Variants in AP4B1 observed in about 807,000 individuals in gnomAD.
The protein encoded by AP4B1 is AP-4 complex subunit beta-1.
AP4B1 carries 49 observed loss-of-function variants against 76.5 expected under a neutral mutation model. The ratio of observed to expected loss-of-function variants is 0.64; its 90% confidence interval spans 0.51 to 0.81. The LOEUF is 0.81. AP4B1 is among the 40% of genes least tolerant of loss of function. The pLI is 0.00. For missense variants in AP4B1, 911 were observed against 904.9 expected (o/e 1.01, Z -0.09); for synonymous variants, 330 against 333.3 (o/e 0.99, Z 0.11).
intron 1 of AP4B1, 39 bp downstream of exon 1, chr1:113,904,566 A>G (rs777594197): frequency 1.8e-5 from 28 of 1,592,294 alleles, no homozygotes; most frequent in Admixed American, 5.0e-5. Flanking sequence ...TGGGGATTGC[A>G]AAGGGAGCAG....
At chr1:113,901,960 C>T (rs915511513) in intron 2 of AP4B1, 75 bp from the exon 3 acceptor site, 3 of 1,582,006 alleles carry the variant, frequency 1.9e-6, no homozygotes, top group African/African-American at 2.7e-5. Flanking sequence ...GTTCACCTAA[C>T]AGATGGTTTA....
intron 6 of AP4B1, among the ~76,000 whole-genome samples, 197 bp downstream of exon 6, chr1:113,898,521 T>G (rs1463120445): frequency 6.6e-6 from 1 of 152,224 alleles, no homozygotes; most frequent in African/African-American, 2.4e-5. Flanking sequence ...AGTACAGCCT[T>G]ATAGATCATG....
In AP4B1 at chr1:113,901,288, G is replaced by T. The variant is rs1232074916; in HGVS notation, c.565C>A (p.Gln189Lys). The change falls in exon 4 of 10, where the codon CAG (glutamine) becomes AAG (lysine). Residue 189 changes from glutamine to lysine, a missense_variant. Coordinates refer to ENST00000369569, the MANE Select transcript of AP4B1 (RefSeq NM_001253852.3). Reference protein sequence around the residue: ...CLRSLEEILKQEGGVVINKPI... With the variant: ...CLRSLEEILKKEGGVVINKPI... ...TTATTGATGACAACGCCTCCTTCCT[G>T]TTTCAGAATTTCCTCTAGAGACCTC... The T allele has an allele frequency of 3.1e-6, 5 of 1,614,080 alleles. No individual in the cohort carries two copies. In the South Asian group the frequency reaches 4.4e-5, roughly 14 times the overall value.
At position 113,895,905 on chromosome 1, in the gene AP4B1, C is replaced by A. The variant is rs376974229; in HGVS notation, c.1644G>T (p.Pro548=). The A allele has an allele frequency of 6.2e-7, 1 of 1,614,180 alleles. No homozygotes were observed. Among genetic ancestry groups the A allele is most frequent in the South Asian group, 1.1e-5 (1 of 91,088 alleles). Residue 548 remains proline (P), a synonymous_variant, in exon 9 of 10, where the codon CCG becomes CCT. Transcript: ENST00000369569. ...SDPTLGLLED[P]AERPVNSWAS... Reference sequence around the variant, plus strand: ...CCCAGCTATTCACAGGTCTTTCTGCCGGATCCTCCAAAAGTCCAAGAGTAG... The same window carrying A: ...CCCAGCTATTCACAGGTCTTTCTGCAGGATCCTCCAAAAGTCCAAGAGTAG...
chr1:113,904,777 C>A lies in AP4B1; in HGVS notation c.-60G>T. ...CCACGGTAACTCGAGGGCTCCTTCTCGTCCTGATGTGGGAGCCTGAGTAAA... is the reference window on the plus strand; with the variant it reads ...CCACGGTAACTCGAGGGCTCCTTCTAGTCCTGATGTGGGAGCCTGAGTAAA... On this transcript the variant is annotated 5_prime_UTR_variant, in exon 1 of 10. Transcript: ENST00000369569. 7.3e-7 allele frequency: 1 copy of A among 1,376,480 alleles called. No individual in the cohort carries two copies. Among genetic ancestry groups the A allele is most frequent in the African/African-American group, 1.4e-5 (1 of 70,558 alleles). 85.3% of individuals were successfully genotyped at this position (1,376,480 alleles called of 1,614,324 possible).
chr1:113,898,648 T>C (rs1003274667), intron 6 of AP4B1, 70 bp downstream of exon 6: 4 of 1,134,190 alleles, frequency 3.5e-6, no homozygotes, highest in Non-Finnish European at 5.3e-6. Flanking sequence ...ACAACAAACA[T>C]GTTTTGAGCA....
Position 113,900,294 on chromosome 1 carries a change from T to C in AP4B1, c.724A>G (p.Ser242Gly), listed in dbSNP as rs1322278680. Residue 242 changes from serine (S) to glycine (G), a missense_variant, in exon 5 of 10, where the codon AGT becomes GGT. Coordinates refer to ENST00000369569, the MANE Select transcript of AP4B1 (RefSeq NM_001253852.3). ...ELFDILNLLD[S>G]FLKSSSPGVV... is the part of the protein sequence containing the mutation. ...CCTGGGCTACTGCTCTTGAGGAAAC[T>C]ATCCAACAGATTGAGAATGTCAAAT... 4 of 1,604,182 alleles carry C rather than the reference T, an allele frequency of 2.5e-6. No homozygotes were observed. The highest frequency in any genetic ancestry group is 3.4e-6 in the Non-Finnish European group (4 of 1,174,950).
chr1:113,902,875 C>T lies in AP4B1; in HGVS notation c.114-13G>A, dbSNP rs1458286647. 1.2e-6 allele frequency: 2 copies of T among 1,613,318 alleles called. No homozygotes were observed. Among genetic ancestry groups the T allele is most frequent in the Non-Finnish European group, 1.7e-6 (2 of 1,179,552 alleles). Reference sequence around the variant, plus strand: ...TTGAGTCATGTACCTGAACAACGCACATGACAGAAGGAAGTAAAATGCAAA... The same window carrying T: ...TTGAGTCATGTACCTGAACAACGCATATGACAGAAGGAAGTAAAATGCAAA... On this transcript the variant is annotated splice_polypyrimidine_tract_variant and intron_variant, in intron 1 of 9. Transcript: ENST00000369569.
rs751238041 is a variant in AP4B1 at position 113,904,667 on chromosome 1, C to A, written c.51G>T (p.Leu17=). 3 of 1,613,256 alleles carry A rather than the reference C, an allele frequency of 1.9e-6. No individual in the cohort carries two copies. Among genetic ancestry groups the A allele is most frequent in the Admixed American group, 3.3e-5 (2 of 60,026 alleles). Residue 17 remains leucine, a synonymous_variant, in exon 1 of 10, where the codon CTG becomes CTT. Coordinates refer to ENST00000369569, the MANE Select transcript of AP4B1 (RefSeq NM_001253852.3). ...EDVVKELKKA[L]CNPHIQADRL... is the part of the protein sequence containing the mutation. ...TATCAGCTTGAATGTGAGGATTGCACAGAGCCTTCTTCAGCTCCTTCACCA... is the reference window on the plus strand; with the variant it reads ...TATCAGCTTGAATGTGAGGATTGCAAAGAGCCTTCTTCAGCTCCTTCACCA...
At chr1:113,901,730 C>A in intron 3 of AP4B1, 25 bp downstream of exon 3, 1 of 1,614,078 alleles carries the variant, frequency 6.2e-7, no homozygotes, top group South Asian at 1.1e-5. Context: ...GGCACATTGA[C>A]CATGATGGAT....
chr1:113,898,786 G>T lies in AP4B1; in HGVS notation c.1130C>A (p.Thr377Asn). Residue 377 changes from threonine (T) to asparagine (N), a missense_variant, in exon 6 of 10, where the codon ACT becomes AAT. Thr to Asn is a moderately conservative substitution (Grantham distance 65). Transcript: ENST00000369569. ...AATCTGAACACATTGATCTGTGTAAGTCCTGGCAATGCCACCTACAAAAGA... is the reference window on the plus strand; with the variant it reads ...AATCTGAACACATTGATCTGTGTAATTCCTGGCAATGCCACCTACAAAAGA... ...AIFAIGGIAR[T>N]YTDQCVQILT... 6.2e-7 allele frequency: 1 copy of T among 1,609,108 alleles called. No homozygotes were observed.
intron 1 of AP4B1, among the ~76,000 whole-genome samples, chr1:113,903,121 A>T (rs1668509679): frequency 6.6e-6 from 1 of 152,280 alleles, no homozygotes; most frequent in South Asian, 2.1e-4. Flanking sequence ...GCTAGAGTGC[A>T]GTGGCACAAT....
Position 113,896,044 on chromosome 1 carries a change from G to C in AP4B1, c.1511-6C>G, listed in dbSNP as rs759015795. Reference sequence around the variant, plus strand: ...AGCCATATCTTTTTCTTCCTCTGAGGTAAGACAACAGATTGACTTCATTAA... The same window carrying C: ...AGCCATATCTTTTTCTTCCTCTGAGCTAAGACAACAGATTGACTTCATTAA... On this transcript the variant is annotated splice_polypyrimidine_tract_variant and splice_region_variant and intron_variant, in intron 8 of 9. Transcript: ENST00000369569. The C allele has an allele frequency of 6.2e-7, 1 of 1,614,140 alleles. No individual in the cohort carries two copies. The highest frequency in any genetic ancestry group is 8.5e-7 in the Non-Finnish European group (1 of 1,180,032).
chr1:113,897,616 T>C (rs1667655206), intron 7 of AP4B1: 2 of 590,264 alleles, frequency 3.4e-6, no homozygotes, highest in Non-Finnish European at 6.0e-6. Flanking sequence ...ACAGAACTGT[T>C]CAAGAGAACA....
In AP4B1 at chr1:113,897,952, C is replaced by G; in HGVS notation, c.1199-9G>C. 1 of 1,614,098 alleles carries G rather than the reference C, an allele frequency of 6.2e-7. No individual in the cohort carries two copies. The highest frequency in any genetic ancestry group is 8.5e-7 in the Non-Finnish European group (1 of 1,180,022). Reference sequence around the variant, plus strand: ...GAAAGTCTGCACCACCACTACAATACAGGCCAGGGTACAAGAGCACAGGAT... The same window carrying G: ...GAAAGTCTGCACCACCACTACAATAGAGGCCAGGGTACAAGAGCACAGGAT... On this transcript the variant is annotated splice_polypyrimidine_tract_variant and intron_variant, in intron 6 of 9. Transcript: ENST00000369569.
Position 113,900,016 on chromosome 1 carries a change from C to G in AP4B1, c.1002G>C (p.Glu334Asp), listed in dbSNP as rs1229949345. The change falls in exon 5 of 10, where the codon GAG becomes GAC. Residue 334 changes from glutamate to aspartate, a missense_variant. Transcript: ENST00000369569. ...CATCGTTCACCAGTTCACACAGCAC[C>G]TCCACTTTCTGTAGTTTGATGTAGT... is the stretch of plus-strand genomic sequence containing the variant. ...EPHYIKLQKV[E>D]VLCELVNDEN... 4 of 1,614,070 alleles carry G rather than the reference C, an allele frequency of 2.5e-6. No homozygotes were observed. Among genetic ancestry groups the G allele is most frequent in the Non-Finnish European group, 3.4e-6 (4 of 1,180,044 alleles).
rs781295845 is a variant in AP4B1, at chr1:113,902,702, T to C, written c.274A>G (p.Lys92Glu). The C allele has an allele frequency of 6.2e-7, 1 of 1,614,186 alleles. No homozygotes were observed. The highest frequency in any genetic ancestry group is 8.5e-7 in the Non-Finnish European group (1 of 1,180,040). The change falls in exon 2 of 10, where the codon AAA (lysine) becomes GAA (glutamate). Residue 92 changes from lysine (K) to glutamate (E), a missense_variant. Transcript: ENST00000369569. The stretch of plus-strand genomic sequence containing the variant: ...ATTGGATTGGGGTCTGAGCAGTCTT[T>C]GCACAGCGTATTGATGGCCAGGAGA... ...LALLAINTLC[K>E]DCSDPNPMVR...
At chr1:113,902,963 G>T in intron 1 of AP4B1, 101 bp from the exon 2 acceptor site, 2 of 1,041,896 alleles carry the variant, frequency 1.9e-6, no homozygotes, top group Non-Finnish European at 2.9e-6. Flanking sequence ...ACTAGATTGT[G>T]ATCTCTTAGA....
Position 113,895,229 on chromosome 1 carries a change from G to A in AP4B1, c.2056C>T (p.Gln686Ter). ...SRPWKAYLSA[Q>*]DDTGCLFLTE... ...AAGAACAGACAGCCAGTATCATCCT[G>A]AGCACTGAGGTATGCTTTCCATGGC... Residue 686 changes from glutamine to a stop codon, truncating the protein, a stop_gained, in exon 10 of 10, where the codon CAG (glutamine) becomes TAG (stop). Transcript: ENST00000369569. LOFTEE classifies it high-confidence loss of function. The A allele has an allele frequency of 6.2e-7, 1 of 1,614,162 alleles. No homozygotes were observed. The highest frequency in any genetic ancestry group is 2.2e-5 in the East Asian group (1 of 44,888).
Sources: gnomAD v4.1 joint callset for allele counts (sites outside exome capture counted in the v4.1 genomes callset) on GRCh38, gnomAD v4.1.1 for gene constraint, MANE v1.5 for transcripts, NCBI Gene and HGNC (gene_info 2026-07-23, HGNC 2026-07-21) for gene names.